ZNF44: variants seen among roughly 807,000 people sequenced by gnomAD.
The protein encoded by ZNF44 is gonadotropin inducible transcription repressor-2.
In ZNF44, 9 loss-of-function variants were observed where a neutral mutation model predicts 11.7. The observed-to-expected ratio is 0.77, with a 90% confidence interval of 0.46 to 1.35. ZNF44 has a LOEUF of 1.35. Ranked by LOEUF, ZNF44 falls within the 40% of genes most tolerant of loss-of-function variation. The pLI, the probability that ZNF44 is intolerant of heterozygous loss-of-function variation, is 0.00. For missense variants in ZNF44, 696 were observed against 743.1 expected, an observed-to-expected ratio of 0.94 and a Z score of 0.74; for synonymous variants, 224 against 242.7, an observed-to-expected ratio of 0.92 and a Z score of 0.72.
intron 2 of ZNF44, 129 bp from the exon 3 acceptor site, chr19:12,275,162 G>C: frequency 1.7e-6 from 1 of 589,612 alleles, no homozygotes; most frequent in East Asian, 3.2e-5. Flanking sequence ...GAACAACACA[G>C]GTTTGAACTG....
chr19:12,290,699 CAAAT>C (rs201422087), intron 1 of ZNF44, among the ~76,000 whole-genome samples: 3 of 149,790 alleles, frequency 2.0e-5, no homozygotes, highest in African/African-American at 2.5e-5. Context: ...GACTCTACCT[CAAAT>C]AAATAAATAA....
chr19:12,268,564 CTCTT>C (rs1016204566), downstream of ZNF44, among the ~76,000 whole-genome samples: 10 of 152,098 alleles, frequency 6.6e-5, 1 homozygote, highest in African/African-American at 1.7e-4. Context: ...AGGAGAAAAT[CTCTT>C]TATTATTATT....
At chr19:12,252,990 C>A (rs1383255353) in intron 5 of ZNF44, among the ~76,000 whole-genome samples, 1 of 143,516 alleles carries the variant, frequency 7.0e-6, no homozygotes, top group Non-Finnish European at 1.5e-5. Context: ...AGGGTTTAAG[C>A]GATTCTCCTG....
rs2438562 is a variant in ZNF44, at chr19:12,247,907, G to A, written c.*958C>T. On this transcript the variant is annotated 3_prime_UTR_variant and NMD_transcript_variant, in exon 8 of 8. Transcript: ENST00000393337. Reference sequence around the variant, plus strand: ...TCCTCTCATGTTTTTGAGCAGTACAGTGGTAACTGAAGGCTTTCCCACATT... The same window carrying A: ...TCCTCTCATGTTTTTGAGCAGTACAATGGTAACTGAAGGCTTTCCCACATT... 15,944 of 1,339,324 alleles carry A rather than the reference G, an allele frequency of 0.012. 1,633 individuals are homozygous for A. The African/African-American group carries it at 0.22, about 18-fold the overall frequency. The allele number at this position is 1,339,324 out of a possible 1,614,324, so 83.0% of individuals were successfully genotyped here.
intron 5 of ZNF44, among the ~76,000 whole-genome samples, chr19:12,258,494 G>T (rs189730534): frequency 1.2e-4 from 18 of 152,016 alleles, no homozygotes; most frequent in Admixed American, 3.3e-4. Flanking sequence ...AGTTTCATGG[G>T]GTCCCATTTT....
At chr19:12,279,383 A>C (rs1287124082) in intron 1 of ZNF44, among the ~76,000 whole-genome samples, 4 of 152,040 alleles carry the variant, frequency 2.6e-5, no homozygotes, top group African/African-American at 9.7e-5. Context: ...AGAAATGAAT[A>C]ATTTCAGCCT....
intron 1 of ZNF44, among the ~76,000 whole-genome samples, chr19:12,277,419 T>C (rs1365986506): frequency 6.6e-6 from 1 of 152,190 alleles, no homozygotes; most frequent in African/African-American, 2.4e-5. Context: ...CTTTCATGAA[T>C]ATCAATTATA....
At chr19:12,237,690 C>T (rs1415576011), upstream of ZNF44, 2 of 152,298 alleles carry the variant, frequency 1.3e-5, no homozygotes, top group Non-Finnish European at 2.9e-5. Context: ...CAAGCCCCAC[C>T]CCCTAGGCCC....
chr19:12,288,076 A>G lies in ZNF44; in HGVS notation c.3+6616T>C, dbSNP rs577197563. On this transcript the variant is annotated intron_variant, in intron 1 of 3. Transcript: ENST00000355684. ...AGAAAAACTGGTGTTCAATAATTCAATGCTGACACCACTTAACATTTCCAC... is the reference window on the plus strand; with the variant it reads ...AGAAAAACTGGTGTTCAATAATTCAGTGCTGACACCACTTAACATTTCCAC... Among the ~76,000 whole-genome samples, 23 of 152,286 alleles carry G rather than the reference A, an allele frequency of 1.5e-4. 1 individual carries two copies. The South Asian group carries it at 3.9e-3, about 26-fold the overall frequency.
chr19:12,256,695 CTCT>C lies in ZNF44; in HGVS notation c.1913-6330_1913-6328del, dbSNP rs1296232107. On this transcript the variant is annotated intron_variant and NMD_transcript_variant, in intron 5 of 7. Transcript: ENST00000393337. Reference sequence around the variant, plus strand: ...AATGACTGTCCCCAGAGAGCAATTACTCTTTTTTTTTTTTTTTTTTTTTGAGAC... The same window carrying C: ...AATGACTGTCCCCAGAGAGCAATTACTTTTTTTTTTTTTTTTTTTTGAGAC... Among the ~76,000 whole-genome samples the C allele has an allele frequency of 1.5e-4, 20 of 135,046 alleles. 1 individual carries two copies. The highest frequency in any genetic ancestry group is 5.8e-4 in the African/African-American group (20 of 34,766). The allele number at this position is 135,046 out of a possible 152,430, so 88.6% of individuals were successfully genotyped here. A position where few individuals can be genotyped will look rare whatever the true frequency, so the allele number is the denominator to read the frequency against.
chr19:12,233,764 G>A (rs1483238113), intron 2 of ZNF44, among the ~76,000 whole-genome samples: 1 of 152,014 alleles, frequency 6.6e-6, no homozygotes, highest in Non-Finnish European at 1.5e-5. Flanking sequence ...AATGACTACT[G>A]TAAAAAATGA....
intron 1 of ZNF44, chr19:12,237,206 G>A (rs2459012): frequency 0.061 from 9,281 of 152,342 alleles, 963 homozygotes; most frequent in African/African-American, 0.21. Flanking sequence ...GGGGAGACGC[G>A]GGGCCGCGGG....
upstream of ZNF44, among the ~76,000 whole-genome samples, chr19:12,242,428 T>G (rs1916649019): frequency 6.6e-6 from 1 of 150,454 alleles, no homozygotes; most frequent in South Asian, 2.1e-4. Context: ...GAGAATAGCG[T>G]GAACCTGGGA....
At chr19:12,250,455 G>T in intron 5 of ZNF44, 1 of 1,108,674 alleles carries the variant, frequency 9.0e-7, no homozygotes, top group Non-Finnish European at 1.2e-6. Context: ...TGTTCACGAT[G>T]ATTCTGTGAT....
At chr19:12,268,182 A>ACACACACACACAC (rs1555739617), downstream of ZNF44, among the ~76,000 whole-genome samples, 164 of 99,576 alleles carry the variant, frequency 1.6e-3, no homozygotes, top group African/African-American at 5.5e-3. Context: ...ACACACACAC[A>ACACACACACACAC]AGCTCCTTCC....
downstream of ZNF44, among the ~76,000 whole-genome samples, chr19:12,268,182 A>ACACACACACACACACAC (rs1555739617): frequency 4.0e-5 from 4 of 99,472 alleles, no homozygotes; most frequent in African/African-American, 7.4e-5. Context: ...ACACACACAC[A>ACACACACACACACACAC]AGCTCCTTCC....
downstream of ZNF44, among the ~76,000 whole-genome samples, chr19:12,247,107 TATA>T (rs1172136465): frequency 6.6e-6 from 1 of 152,036 alleles, no homozygotes; most frequent in African/African-American, 2.4e-5. Flanking sequence ...TAAATACATT[TATA>T]ATATTTTTTC....
At chr19:12,235,286 G>C (rs939780479) in intron 1 of ZNF44, among the ~76,000 whole-genome samples, 4 of 152,188 alleles carry the variant, frequency 2.6e-5, no homozygotes, top group Non-Finnish European at 5.9e-5. Flanking sequence ...GGAGAATGGC[G>C]TGAACCTGGG....
downstream of ZNF44, among the ~76,000 whole-genome samples, chr19:12,268,145 G>GACACACACACAGAC (rs1917802252): frequency 1.5e-5 from 2 of 136,750 alleles, no homozygotes; most frequent in Admixed American, 7.4e-5. Context: ...CACACACACA[G>GACACACACACAGAC]ACACACACAC....
Sources: gnomAD v4.1 joint callset for allele counts (sites outside exome capture counted in the v4.1 genomes callset) on GRCh38, gnomAD v4.1.1 for gene constraint, MANE v1.5 for transcripts, NCBI Gene and HGNC (gene_info 2026-07-23, HGNC 2026-07-21) for gene names.